The following MTPN variants were observed in gnomAD, a reference collection of about 807,000 sequenced individuals.
The protein encoded by MTPN is granule cell differentiation protein.
MTPN carries 2 observed loss-of-function variants against 13.5 expected under a neutral mutation model. The ratio of observed to expected loss-of-function variants is 0.15; its 90% CI spans 0.06 to 0.47. MTPN has a LOEUF of 0.47. MTPN is among the 20% of genes least tolerant of loss of function. The pLI, the probability that MTPN is intolerant of heterozygous loss-of-function variation, is 0.97. For synonymous variants in MTPN, 46 were observed against 51.7 expected, an observed-to-expected ratio of 0.89 and a Z score of 0.48; for missense variants, 79 against 137.9, an observed-to-expected ratio of 0.57 and a Z score of 2.14.
intron 3 of MTPN, among the ~76,000 whole-genome samples, chr7:135,944,414 G>A (rs1221936783): frequency 5.3e-5 from 8 of 151,992 alleles, no homozygotes; most frequent in African/African-American, 1.7e-4. Flanking sequence ...GGTGGCTCGC[G>A]CCTGTAATCC....
chr7:135,945,929 G>A (rs1799281737), intron 3 of MTPN, among the ~76,000 whole-genome samples: 1 of 151,914 alleles, frequency 6.6e-6, no homozygotes, highest in Admixed American at 6.6e-5. Context: ...ACATACCTAT[G>A]ATAAAGTTTA....
chr7:135,970,300 T>C (rs1799673110), intron 1 of MTPN, among the ~76,000 whole-genome samples: 1 of 152,170 alleles, frequency 6.6e-6, no homozygotes, highest in Non-Finnish European at 1.5e-5. Context: ...CATGGACCTG[T>C]TGAGAATGGC....
intron 3 of MTPN, 80 bp from the exon 4 acceptor site, chr7:135,930,092 G>T: frequency 8.3e-7 from 1 of 1,206,820 alleles, no homozygotes; most frequent in Non-Finnish European, 1.2e-6. Context: ...CATGGCACAG[G>T]TTAATGTTTA....
At chr7:135,974,832 G>C (rs994954991) in intron 1 of MTPN, among the ~76,000 whole-genome samples, 1 of 152,204 alleles carries the variant, frequency 6.6e-6, no homozygotes, top group Non-Finnish European at 1.5e-5. Flanking sequence ...CTGTGGGGCA[G>C]AAGAAACTGT....
chr7:135,975,634 G>C (rs1361357454), intron 1 of MTPN, among the ~76,000 whole-genome samples: 2 of 152,146 alleles, frequency 1.3e-5, no homozygotes, highest in Admixed American at 1.3e-4. Flanking sequence ...CACCATGACA[G>C]GAAAACAAAA....
chr7:135,946,776 A>G (rs749453446), intron 3 of MTPN, among the ~76,000 whole-genome samples: 4 of 152,202 alleles, frequency 2.6e-5, no homozygotes, highest in Non-Finnish European at 5.9e-5. Context: ...ATGACACATG[A>G]TTATACAGGC....
At chr7:135,943,510 G>A (rs904335554) in intron 3 of MTPN, among the ~76,000 whole-genome samples, 2 of 152,124 alleles carry the variant, frequency 1.3e-5, no homozygotes, top group Admixed American at 6.5e-5. Context: ...AGACAAGATG[G>A]TTTTTTCTAT....
At chr7:135,976,620 G>C (rs1424087007) in intron 1 of MTPN, among the ~76,000 whole-genome samples, 1 of 152,088 alleles carries the variant, frequency 6.6e-6, no homozygotes, top group Non-Finnish European at 1.5e-5. Context: ...TAATTACTTA[G>C]GTTACTTCAT....
chr7:135,933,098 CAAAAA>C (rs56865854), intron 3 of MTPN, among the ~76,000 whole-genome samples: 10 of 63,066 alleles, frequency 1.6e-4, no homozygotes, highest in Non-Finnish European at 2.4e-4. Context: ...CACTCAGCCT[CAAAAA>C]AAAAAAAAAA....
chr7:135,951,068 G>C (rs938785972), intron 2 of MTPN, among the ~76,000 whole-genome samples: 2 of 152,208 alleles, frequency 1.3e-5, no homozygotes, highest in Non-Finnish European at 2.9e-5. Flanking sequence ...GGGCCGGGTA[G>C]CATGGCATCC....
At chr7:135,971,157 T>TGTCA (rs1419834331) in intron 1 of MTPN, among the ~76,000 whole-genome samples, 1 of 151,954 alleles carries the variant, frequency 6.6e-6, no homozygotes, top group South Asian at 2.1e-4. Context: ...CCTATTAGAG[T>TGTCA]GTCAACGGCA....
rs923813808 is a variant in MTPN, at chr7:135,928,848, G to A, written c.*1078C>T. ...AGCAGAAGCCTATCAACAACTCTGGGAAACCTGGTTACAAGTGTATTTTTG... is the reference window on the plus strand; with the variant it reads ...AGCAGAAGCCTATCAACAACTCTGGAAAACCTGGTTACAAGTGTATTTTTG... On this transcript the variant is annotated 3_prime_UTR_variant, in exon 4 of 4. Transcript: ENST00000393085. The A allele has an allele frequency of 1.2e-5, 2 of 167,054 alleles. No homozygotes were observed. The highest frequency in any genetic ancestry group is 2.9e-5 in the Non-Finnish European group (2 of 68,110). The allele number at this position is 167,054 out of a possible 1,614,324, so 10.3% of individuals were successfully genotyped here. A position where few individuals can be genotyped will look rare whatever the true frequency, so the allele number is the denominator to read the frequency against.
At position 135,929,973 on chromosome 7, in the gene MTPN, C is replaced by CTG; in HGVS notation, c.309_310insCA (p.Ala104GlnfsTer22). On this transcript the variant is annotated frameshift_variant, in exon 4 of 4. Transcript: ENST00000393085. LOFTEE classifies it high-confidence loss of function. ...GCCTGGTTGTCAGTGGCTTCAAAGG[C>CTG]GGTCAGTCCATCTGGGCCTTTCACA... 1 of 1,603,368 alleles carries CTG rather than the reference C, an allele frequency of 6.2e-7. No individual in the cohort carries two copies. Among genetic ancestry groups the CTG allele is most frequent in the Non-Finnish European group, 8.5e-7 (1 of 1,173,622 alleles).
chr7:135,971,373 C>T (rs750689300), intron 1 of MTPN, among the ~76,000 whole-genome samples: 1 of 152,190 alleles, frequency 6.6e-6, no homozygotes, highest in African/African-American at 2.4e-5. Flanking sequence ...TCAAAATCCA[C>T]CAGAAAGCTC....
intron 1 of MTPN, among the ~76,000 whole-genome samples, chr7:135,952,472 C>T (rs1799376504): frequency 6.6e-6 from 1 of 152,138 alleles, no homozygotes; most frequent in African/African-American, 2.4e-5. Context: ...CAAACTACCC[C>T]AAGAAGAGAA....
rs542618934 is a variant in MTPN, at chr7:135,961,323, C to T, written c.73-9693G>A. On this transcript the variant is annotated intron_variant, in intron 1 of 3. Transcript: ENST00000393085. ...AGGCAAAAATTCAGTTGATTCCCCC[C>T]CTCCCAAAAATAGTTTTAGAATTTC... is the stretch of plus-strand genomic sequence containing the variant. 2.6e-5 allele frequency among the ~76,000 whole-genome samples: 4 copies of T among 151,824 alleles called. No homozygotes were observed. The East Asian group carries it at 5.8e-4, about 22-fold the overall frequency.
rs1344474981 is a variant in MTPN at position 135,928,161 on chromosome 7, A to G, written c.*1765T>C. 1 of 167,724 alleles carries G rather than the reference A, an allele frequency of 6.0e-6. No homozygotes were observed. The highest frequency in any genetic ancestry group is 2.4e-5 in the African/African-American group (1 of 41,458). 10.4% of individuals were successfully genotyped at this position (167,724 alleles called of 1,614,324 possible). On this transcript the variant is annotated 3_prime_UTR_variant, in exon 4 of 4. Transcript: ENST00000393085. ...TTAATAGGCTGCATTAAGACAGCAA[A>G]ATTAGCCAAATACAACAAAGTATTT... is the stretch of plus-strand genomic sequence containing the variant.
intron 3 of MTPN, among the ~76,000 whole-genome samples, chr7:135,937,624 T>C (rs1472250365): frequency 6.6e-6 from 1 of 152,194 alleles, no homozygotes; most frequent in Non-Finnish European, 1.5e-5. Context: ...GTAAACACTA[T>C]ATAAATACAC....
intron 2 of MTPN, 110 bp downstream of exon 2, chr7:135,951,406 CT>C (rs1197508752): frequency 5.5e-6 from 3 of 541,676 alleles, no homozygotes; most frequent in African/African-American, 1.9e-5. Context: ...AGACTGTATT[CT>C]TATTTAGAAT....
Sources: allele counts gnomAD v4.1 joint callset (sites outside exome capture counted in the v4.1 genomes callset), GRCh38; gene constraint gnomAD v4.1.1; transcripts MANE v1.5; gene names NCBI Gene and HGNC (gene_info 2026-07-23, HGNC 2026-07-21).